The following PRR16 variants were observed in gnomAD, a reference collection of about 807,000 sequenced individuals.
PRR16 encodes the protein proline rich 16.
In PRR16, 6 loss-of-function variants were observed where a neutral mutation model predicts 18.2. That is an observed-to-expected ratio of 0.33 (90% CI 0.18 to 0.65). The LOEUF (loss-of-function observed/expected upper bound fraction) is 0.65. Among genes scored for constraint, PRR16 ranks in the 30% least tolerant of loss-of-function variants. The probability of loss-of-function intolerance (pLI) is 0.74; values close to 1 mark genes in which losing one functional copy is unlikely to be tolerated. For synonymous variants in PRR16, 151 were observed against 147.8 expected (o/e 1.02, Z -0.16); for missense variants, 412 against 376.6 (o/e 1.09, Z -0.78).
At chr5:120,689,127 T>A (rs1366805430), downstream of PRR16, among the ~76,000 whole-genome samples, 1 of 152,216 alleles carries the variant, frequency 6.6e-6, no homozygotes, top group East Asian at 1.9e-4. Context: ...AGTTTATTTA[T>A]AATCAACATT....
chr5:120,697,288 C>A, the PRR16 span, among the ~76,000 whole-genome samples: 1 of 152,224 alleles, frequency 6.6e-6, no homozygotes, highest in East Asian at 1.9e-4. Context: ...TCACGCTAAA[C>A]TCCGTCCCAA....
At chr5:120,528,566 G>C (rs13328105) in intron 1 of PRR16, among the ~76,000 whole-genome samples, 2,111 of 152,272 alleles carry the variant, frequency 0.014, 57 homozygotes, top group African/African-American at 0.048. Flanking sequence ...ATGAATTTGA[G>C]CTCAGTGAAG....
At chr5:120,641,001 C>T (rs186476131) in intron 1 of PRR16, among the ~76,000 whole-genome samples, 9 of 152,010 alleles carry the variant, frequency 5.9e-5, no homozygotes, top group East Asian at 1.9e-4. Flanking sequence ...TAAGAAGAGG[C>T]GATTGTAAGG....
intron 1 of PRR16, among the ~76,000 whole-genome samples, chr5:120,585,660 GCCATCT>G (rs199585038): frequency 0.016 from 2,401 of 148,244 alleles, 59 homozygotes; most frequent in African/African-American, 0.055. Context: ...CCACTCCTTT[GCCATCT>G]CCCCTAGATA....
chr5:120,779,221 G>T, the PRR16 span, among the ~76,000 whole-genome samples: 14 of 152,184 alleles, frequency 9.2e-5, no homozygotes, highest in Non-Finnish European at 1.9e-4. Flanking sequence ...AACAGTTTCT[G>T]TAAGCAGCAC....
the PRR16 span, among the ~76,000 whole-genome samples, chr5:120,743,400 G>T: frequency 6.6e-6 from 1 of 151,686 alleles, no homozygotes; most frequent in Non-Finnish European, 1.5e-5. Flanking sequence ...AATGTTTGAA[G>T]GTGTGGGCTG....
At chr5:120,583,353 G>A (rs1308791443) in intron 1 of PRR16, among the ~76,000 whole-genome samples, 1 of 143,444 alleles carries the variant, frequency 7.0e-6, no homozygotes, top group Non-Finnish European at 1.5e-5. Flanking sequence ...GTGTGTGCAA[G>A]TAATCCATGT....
chr5:120,706,888 C>T, the PRR16 span, among the ~76,000 whole-genome samples: 1 of 152,134 alleles, frequency 6.6e-6, no homozygotes, highest in Admixed American at 6.5e-5. Context: ...ATTAGGTCAT[C>T]TGTGTTTGCT....
chr5:120,728,757 T>C, the PRR16 span, among the ~76,000 whole-genome samples: 1 of 152,194 alleles, frequency 6.6e-6, no homozygotes, highest in African/African-American at 2.4e-5. Flanking sequence ...TGCCTAATTT[T>C]TGGCATTGTT....
At chr5:120,614,112 C>T (rs543006058) in intron 1 of PRR16, among the ~76,000 whole-genome samples, 356 of 152,244 alleles carry the variant, frequency 2.3e-3, no homozygotes, top group Middle Eastern at 0.01. Context: ...AATACAGATA[C>T]ATGTTTTTCT....
intron 1 of PRR16, among the ~76,000 whole-genome samples, chr5:120,583,732 A>G (rs892135384): frequency 6.6e-6 from 1 of 152,016 alleles, no homozygotes; most frequent in Non-Finnish European, 1.5e-5. Flanking sequence ...TTGTTGTTTG[A>G]GTGGAAGTTA....
chr5:120,552,685 G>T (rs1752290680), intron 1 of PRR16, among the ~76,000 whole-genome samples: 1 of 151,838 alleles, frequency 6.6e-6, no homozygotes, highest in South Asian at 2.1e-4. Context: ...GAGCATCCTT[G>T]TGGAAATGAA....
At chr5:120,660,845 A>G (rs1414451664) in intron 1 of PRR16, among the ~76,000 whole-genome samples, 1 of 152,114 alleles carries the variant, frequency 6.6e-6, no homozygotes, top group Non-Finnish European at 1.5e-5. Flanking sequence ...TATAAAAAGC[A>G]AAAAAAGGAT....
At chr5:120,683,066 G>A (rs570436178) in intron 1 of PRR16, among the ~76,000 whole-genome samples, 6 of 152,210 alleles carry the variant, frequency 3.9e-5, no homozygotes, top group Non-Finnish European at 7.4e-5. Context: ...AAGCAGACAA[G>A]CAATTTTGAG....
chr5:120,653,280 A>G (rs1049124645), intron 1 of PRR16, among the ~76,000 whole-genome samples: 2 of 151,612 alleles, frequency 1.3e-5, no homozygotes, highest in African/African-American at 4.8e-5. Flanking sequence ...ATTTGTCTGT[A>G]TATATAATTC....
At chr5:120,562,093 A>T (rs1422515581) in intron 1 of PRR16, among the ~76,000 whole-genome samples, 1 of 152,106 alleles carries the variant, frequency 6.6e-6, no homozygotes, top group Admixed American at 6.6e-5. Context: ...GTCTCCATGT[A>T]TTATTGTATC....
chr5:120,607,917 G>A (rs554789721), intron 1 of PRR16, among the ~76,000 whole-genome samples: 23 of 151,990 alleles, frequency 1.5e-4, no homozygotes, highest in Non-Finnish European at 2.9e-4. Flanking sequence ...ATCAATAGTA[G>A]CAAACCTTGT....
the PRR16 span, among the ~76,000 whole-genome samples, chr5:120,766,475 C>G: frequency 2.0e-5 from 3 of 151,810 alleles, no homozygotes; most frequent in African/African-American, 7.3e-5. Flanking sequence ...AGTTTTGACA[C>G]ACTCAGTACT....
At chr5:120,509,425 G>C (rs1750750425) in intron 1 of PRR16, among the ~76,000 whole-genome samples, 1 of 151,996 alleles carries the variant, frequency 6.6e-6, no homozygotes, top group South Asian at 2.1e-4. Context: ...GGTTCGCTTG[G>C]GTATAGTCAC....
Sources: gnomAD v4.1 joint callset for allele counts (sites outside exome capture counted in the v4.1 genomes callset) on GRCh38, gnomAD v4.1.1 for gene constraint, MANE v1.5 for transcripts, NCBI Gene and HGNC (gene_info 2026-07-23, HGNC 2026-07-21) for gene names.